Variants in PLEKHM3 observed in about 807,000 individuals in gnomAD.
PLEKHM3 encodes the protein pleckstrin homology domain containing M3.
In PLEKHM3, 45 loss-of-function variants were observed where a neutral mutation model predicts 81.8. The observed-to-expected ratio is 0.55, with a 90% CI of 0.43 to 0.71. The LOEUF (loss-of-function observed/expected upper bound fraction) is 0.71. Among genes scored for constraint, PLEKHM3 ranks in the 30% least tolerant of loss-of-function variants. The pLI, the probability that PLEKHM3 is intolerant of heterozygous loss-of-function variation, is 0.00. For synonymous variants in PLEKHM3, 352 were observed against 356.4 expected, an observed-to-expected ratio of 0.99 and a Z score of 0.14; for missense variants, 788 against 924.3, an observed-to-expected ratio of 0.85 and a Z score of 1.91.
chr2:207,830,607 CAAA>C, intron 7 of PLEKHM3, among the ~76,000 whole-genome samples: 1 of 127,530 alleles, frequency 7.8e-6, no homozygotes, highest in Non-Finnish European at 1.6e-5. Context: ...AACTCTGTCT[CAAA>C]AAAAAAAAAA....
At chr2:207,967,839 C>T (rs1176005903) in intron 3 of PLEKHM3, among the ~76,000 whole-genome samples, 6 of 152,026 alleles carry the variant, frequency 3.9e-5, no homozygotes, top group East Asian at 3.9e-4. Context: ...AGTGGAGGTA[C>T]GGAGAGGTTA....
chr2:207,993,501 CT>C (rs35352546), intron 2 of PLEKHM3, among the ~76,000 whole-genome samples: 92,595 of 144,318 alleles, frequency 0.64, 30,207 homozygotes, highest in Non-Finnish European at 0.73. Context: ...CCAAATTTGG[CT>C]TTTTTTTTTT....
At chr2:207,919,323 T>C (rs1311819166) in intron 5 of PLEKHM3, among the ~76,000 whole-genome samples, 1 of 151,912 alleles carries the variant, frequency 6.6e-6, no homozygotes, top group African/African-American at 2.4e-5. Context: ...AGAGAGGTAA[T>C]GGGAGATGAG....
intron 3 of PLEKHM3, among the ~76,000 whole-genome samples, chr2:207,959,941 C>T (rs1214826763): frequency 2.6e-5 from 4 of 152,176 alleles, no homozygotes; most frequent in African/African-American, 7.2e-5. Context: ...TTATTCTTTT[C>T]CCTTTCACCT....
rs2092232790 is a variant in PLEKHM3, at chr2:207,823,691, G to A, written c.*4628C>T. On this transcript the variant is annotated 3_prime_UTR_variant, in exon 8 of 8. Coordinates refer to ENST00000427836, the MANE Select transcript of PLEKHM3 (RefSeq NM_001080475.3). ...TGACCTCAAGTGATCTGCCTGCCTT[G>A]GCCTCCCAAAGGGCTGGGATTACAG... 1 of 152,178 alleles carries A rather than the reference G, an allele frequency of 6.6e-6. No homozygotes were observed. The highest frequency in any genetic ancestry group is 1.5e-5 in the Non-Finnish European group (1 of 68,126). 9.4% of individuals were successfully genotyped at this position (152,178 alleles called of 1,614,324 possible). A position where few individuals can be genotyped will look rare whatever the true frequency, so the allele number is the denominator to read the frequency against.
At chr2:207,893,177 T>G (rs1027900704) in intron 6 of PLEKHM3, among the ~76,000 whole-genome samples, 1 of 152,226 alleles carries the variant, frequency 6.6e-6, no homozygotes, top group Non-Finnish European at 1.5e-5. Flanking sequence ...TTACTTAATA[T>G]CCCAGCCAAC....
intron 4 of PLEKHM3, among the ~76,000 whole-genome samples, chr2:207,939,665 A>C (rs1689871224): frequency 6.6e-6 from 1 of 152,208 alleles, no homozygotes; most frequent in African/African-American, 2.4e-5. Context: ...TATTATTTCC[A>C]TTCTAAAGGT....
At position 207,832,121 on chromosome 2, in the gene PLEKHM3, C is replaced by T. The variant is rs1177630494; in HGVS notation, c.2109-3625G>A. ...GGGGTGATGGAAGAGCTGAGCGCAC[C>T]TGCTCTTTCTAACCAAAGGTCAGTA... is the stretch of plus-strand genomic sequence containing the variant. On this transcript the variant is annotated intron_variant, in intron 7 of 7. Coordinates refer to ENST00000427836, the MANE Select transcript of PLEKHM3 (RefSeq NM_001080475.3). 2.0e-5 allele frequency among the ~76,000 whole-genome samples: 3 copies of T among 152,270 alleles called. No homozygotes were observed. The East Asian group carries it at 5.8e-4, about 29-fold the overall frequency.
At chr2:207,863,237 C>G (rs558770294) in intron 6 of PLEKHM3, among the ~76,000 whole-genome samples, 91 of 152,336 alleles carry the variant, frequency 6.0e-4, no homozygotes, top group African/African-American at 2.1e-3. Context: ...AAATGAACCT[C>G]TAGTTAAACT....
At chr2:208,014,539 G>A (rs1692813708) in intron 1 of PLEKHM3, among the ~76,000 whole-genome samples, 1 of 152,236 alleles carries the variant, frequency 6.6e-6, no homozygotes, top group African/African-American at 2.4e-5. Flanking sequence ...AGCTACTCGG[G>A]AGGCTGAGGC....
intron 7 of PLEKHM3, among the ~76,000 whole-genome samples, chr2:207,832,265 T>C (rs925450444): frequency 1.3e-5 from 2 of 152,196 alleles, no homozygotes; most frequent in African/African-American, 4.8e-5. Flanking sequence ...GATAGATTGA[T>C]CAATGACTTT....
chr2:207,945,112 C>T (rs562847031), intron 4 of PLEKHM3, among the ~76,000 whole-genome samples: 1 of 152,186 alleles, frequency 6.6e-6, no homozygotes, highest in African/African-American at 2.4e-5. Context: ...TAAAGCAAAT[C>T]GTCAGTTCTC....
chr2:207,841,832 A>G (rs2092355872), intron 7 of PLEKHM3, among the ~76,000 whole-genome samples: 1 of 152,000 alleles, frequency 6.6e-6, no homozygotes, highest in Non-Finnish European at 1.5e-5. Context: ...ATACATTTTT[A>G]TATCTGATAG....
intron 1 of PLEKHM3, among the ~76,000 whole-genome samples, chr2:208,017,190 C>A (rs748970113): frequency 3.9e-5 from 6 of 152,174 alleles, no homozygotes; most frequent in Non-Finnish European, 7.3e-5. Flanking sequence ...AGAGGGCCAA[C>A]TGTAATTGTC....
At chr2:207,846,298 C>T (rs1463515658) in intron 7 of PLEKHM3, among the ~76,000 whole-genome samples, 3 of 151,996 alleles carry the variant, frequency 2.0e-5, no homozygotes, top group African/African-American at 4.8e-5. Context: ...CCCGCCACCA[C>T]ACCCGGCTAA....
chr2:207,982,648 G>A (rs1347666759), intron 2 of PLEKHM3, among the ~76,000 whole-genome samples: 1 of 148,110 alleles, frequency 6.8e-6, no homozygotes, highest in Non-Finnish European at 1.5e-5. Context: ...GCACGATCTT[G>A]GCTCACTGCA....
At chr2:207,971,444 A>G (rs1422278384) in intron 3 of PLEKHM3, among the ~76,000 whole-genome samples, 3 of 152,140 alleles carry the variant, frequency 2.0e-5, no homozygotes, top group Non-Finnish European at 4.4e-5. Flanking sequence ...CAAAGAAATG[A>G]TAAATGTTTG....
At chr2:207,969,547 A>G (rs1691039787) in intron 3 of PLEKHM3, among the ~76,000 whole-genome samples, 1 of 152,260 alleles carries the variant, frequency 6.6e-6, no homozygotes, top group African/African-American at 2.4e-5. Flanking sequence ...AGCAAGGTCA[A>G]TAATGTTTGT....
intron 7 of PLEKHM3, among the ~76,000 whole-genome samples, chr2:207,857,141 A>G (rs2105804964): frequency 6.6e-6 from 1 of 152,344 alleles, no homozygotes; most frequent in African/African-American, 2.4e-5. Flanking sequence ...ATGGACAGAG[A>G]AGTGTTGAAG....
Sources: gnomAD v4.1 joint callset for allele counts (sites outside exome capture counted in the v4.1 genomes callset) on GRCh38, gnomAD v4.1.1 for gene constraint, MANE v1.5 for transcripts, NCBI Gene and HGNC (gene_info 2026-07-23, HGNC 2026-07-21) for gene names.